The following DMRT1 variants were observed in gnomAD, a reference collection of about 807,000 sequenced individuals.
DMRT1 encodes doublesex- and mab-3-related transcription factor 1.
In DMRT1, 7 loss-of-function variants were observed where a neutral mutation model predicts 32.3. That is an observed-to-expected ratio of 0.22 (90% CI 0.12 to 0.41). DMRT1 has a LOEUF of 0.41. Ranked by LOEUF, DMRT1 falls within the 10% of genes least tolerant of loss-of-function variation. DMRT1 has a pLI of 1.00. For missense variants in DMRT1, 625 were observed against 500.5 expected (o/e 1.25, Z -2.37); for synonymous variants, 278 against 206.1 (o/e 1.35, Z -2.99).
At chr9:890,361 C>T (rs1817098146) in intron 2 of DMRT1, among the ~76,000 whole-genome samples, 1 of 152,138 alleles carries the variant, frequency 6.6e-6, no homozygotes, top group Non-Finnish European at 1.5e-5. Context: ...AATGTCTCAT[C>T]TCATTAGCTG....
intron 2 of DMRT1, among the ~76,000 whole-genome samples, chr9:872,134 T>A (rs145150759): frequency 0.03 from 4,507 of 151,262 alleles, 420 homozygotes; most frequent in African/African-American, 0.1. Flanking sequence ...TGATTTCGGC[T>A]CACTGCAACC....
At chr9:901,656 G>A (rs1258193013) in intron 3 of DMRT1, among the ~76,000 whole-genome samples, 2 of 151,718 alleles carry the variant, frequency 1.3e-5, no homozygotes, top group East Asian at 3.9e-4. Context: ...CATAGTAGGA[G>A]ACTTCACATG....
intron 2 of DMRT1, among the ~76,000 whole-genome samples, chr9:861,404 C>T (rs925773047): frequency 1.3e-5 from 2 of 151,456 alleles, no homozygotes; most frequent in Admixed American, 6.5e-5. Flanking sequence ...AGATTAACAG[C>T]ATCCCAAGGC....
chr9:888,090 C>A (rs142590815), intron 2 of DMRT1, among the ~76,000 whole-genome samples: 57 of 152,260 alleles, frequency 3.7e-4, no homozygotes, highest in Middle Eastern at 3.4e-3. Flanking sequence ...GAATGCCTGA[C>A]AAATAGTAGG....
intron 2 of DMRT1, among the ~76,000 whole-genome samples, chr9:878,679 G>C (rs531075122): frequency 1.3e-5 from 2 of 152,120 alleles, no homozygotes; most frequent in South Asian, 4.1e-4. Context: ...GGATAACTTT[G>C]TGCGGAGTTA....
chr9:904,167 G>A (rs1817687208), intron 3 of DMRT1, among the ~76,000 whole-genome samples: 1 of 152,194 alleles, frequency 6.6e-6, no homozygotes, highest in Admixed American at 6.5e-5. Context: ...TAATTGGCTT[G>A]AAATTTAGAT....
intron 2 of DMRT1, among the ~76,000 whole-genome samples, chr9:883,257 C>T (rs2132633580): frequency 6.6e-6 from 1 of 151,822 alleles, no homozygotes; most frequent in Non-Finnish European, 1.5e-5. Flanking sequence ...CATTCCTTCA[C>T]AACCAAATTA....
intron 2 of DMRT1, among the ~76,000 whole-genome samples, chr9:871,456 C>G (rs1564211943): frequency 6.6e-6 from 1 of 151,418 alleles, no homozygotes; most frequent in Non-Finnish European, 1.5e-5. Context: ...CCTCAGCCTC[C>G]AGAGTAGCTG....
chr9:860,821 A>G (rs1027827107), intron 2 of DMRT1, among the ~76,000 whole-genome samples: 1 of 152,216 alleles, frequency 6.6e-6, no homozygotes, highest in African/African-American at 2.4e-5. Flanking sequence ...ATCTGGGGAA[A>G]GAGCATTTGA....
At chr9:884,588 G>C (rs1257766264) in intron 2 of DMRT1, among the ~76,000 whole-genome samples, 1 of 152,194 alleles carries the variant, frequency 6.6e-6, no homozygotes, top group Non-Finnish European at 1.5e-5. Flanking sequence ...TATTTCTTGA[G>C]TTCCTGATGC....
intron 4 of DMRT1, among the ~76,000 whole-genome samples, chr9:925,846 T>C (rs1818506273): frequency 6.6e-6 from 1 of 152,208 alleles, no homozygotes. Context: ...CCTGTTCCAG[T>C]GTGGCACGTG....
At chr9:946,871 A>T (rs539949705) in intron 4 of DMRT1, among the ~76,000 whole-genome samples, 110 of 152,344 alleles carry the variant, frequency 7.2e-4, no homozygotes, top group Admixed American at 1.4e-3. Flanking sequence ...TTACACTGGC[A>T]GTAGTTGAGA....
chr9:912,924 T>C (rs1272194694), intron 3 of DMRT1, among the ~76,000 whole-genome samples: 5 of 152,182 alleles, frequency 3.3e-5, no homozygotes, highest in South Asian at 4.1e-4. Flanking sequence ...AGAGTGAAGT[T>C]TGAGAAGGAA....
intron 2 of DMRT1, among the ~76,000 whole-genome samples, chr9:866,265 A>G (rs1369533216): frequency 6.6e-6 from 1 of 152,012 alleles, no homozygotes; most frequent in Non-Finnish European, 1.5e-5. Context: ...GAACAGGTAA[A>G]GCACCATCAA....
chr9:958,176 C>T (rs1045021896), intron 4 of DMRT1, among the ~76,000 whole-genome samples: 1 of 152,034 alleles, frequency 6.6e-6, no homozygotes, highest in Non-Finnish European at 1.5e-5. Flanking sequence ...TTAATAGTTG[C>T]TTTTTGAAGA....
intron 4 of DMRT1, among the ~76,000 whole-genome samples, chr9:941,450 C>G (rs1819068888): frequency 6.7e-6 from 1 of 148,640 alleles, no homozygotes; most frequent in African/African-American, 2.5e-5. Flanking sequence ...AAGACAAATA[C>G]TGTATGATTC....
intron 4 of DMRT1, among the ~76,000 whole-genome samples, chr9:938,848 T>C (rs922430749): frequency 6.6e-6 from 1 of 152,264 alleles, no homozygotes; most frequent in African/African-American, 2.4e-5. Context: ...TATTTCACCA[T>C]TGAATGTGAT....
chr9:863,916 A>C (rs539924861), intron 2 of DMRT1, among the ~76,000 whole-genome samples: 1 of 152,046 alleles, frequency 6.6e-6, no homozygotes, highest in African/African-American at 2.4e-5. Flanking sequence ...GAATTTCCTT[A>C]TTTATTGTGG....
In DMRT1 at chr9:935,361, A is replaced by G. The variant is rs188305474; in HGVS notation, c.967+18454A>G. ...GGCTGGTTGCAGCCTGAAATTGTCA[A>G]TCACCTCTTAATGTTTACAAAAGTG... On this transcript the variant is annotated intron_variant, in intron 4 of 4. Transcript: ENST00000382276. 2.0e-3 allele frequency among the ~76,000 whole-genome samples: 306 copies of G among 152,320 alleles called. 3 individuals are homozygous for G. The highest frequency in any genetic ancestry group is 3.4e-3 in the Middle Eastern group (1 of 294).
Sources: allele counts gnomAD v4.1 joint callset (sites outside exome capture counted in the v4.1 genomes callset), GRCh38; gene constraint gnomAD v4.1.1; transcripts MANE v1.5; gene names NCBI Gene and HGNC (gene_info 2026-07-23, HGNC 2026-07-21).